The following EYS variants were observed in gnomAD, a reference collection of about 807,000 sequenced individuals.
EYS encodes the protein protein eyes shut homolog.
In EYS, 250 loss-of-function variants were observed where a neutral mutation model predicts 282.1. The observed-to-expected ratio is 0.89, with a 90% CI of 0.80 to 0.98. EYS has a LOEUF of 0.98. EYS is among the 50% of genes least tolerant of loss of function. The pLI is 0.00. For synonymous variants in EYS, 1,355 were observed against 1,282.9 expected (o/e 1.06, Z -1.20); for missense variants, 4,016 against 3,709.0 (o/e 1.08, Z -2.15).
At chr6:64,361,431 G>T (rs1772002261) in intron 29 of EYS, among the ~76,000 whole-genome samples, 1 of 151,720 alleles carries the variant, frequency 6.6e-6, no homozygotes, top group Admixed American at 6.6e-5. Context: ...GGCCAGGGAA[G>T]CATTCACAAT....
At chr6:64,496,871 A>G (rs1474592838) in intron 26 of EYS, among the ~76,000 whole-genome samples, 1 of 151,996 alleles carries the variant, frequency 6.6e-6, no homozygotes, top group African/African-American at 2.4e-5. Context: ...TGGATTCTCT[A>G]TTTTACAAAT....
chr6:64,201,178 T>G (rs955319970), intron 31 of EYS, among the ~76,000 whole-genome samples: 3 of 152,180 alleles, frequency 2.0e-5, no homozygotes, highest in African/African-American at 7.2e-5. Context: ...CAAGTAAGGA[T>G]AGGAAGTTAT....
chr6:65,021,011 G>A (rs1772238402), intron 13 of EYS, among the ~76,000 whole-genome samples: 1 of 152,116 alleles, frequency 6.6e-6, no homozygotes, highest in South Asian at 2.1e-4. Context: ...ACCCAGTCCA[G>A]CAAACCATTT....
chr6:64,769,774 A>G (rs943830651), intron 22 of EYS, among the ~76,000 whole-genome samples: 3 of 152,040 alleles, frequency 2.0e-5, no homozygotes, highest in African/African-American at 7.2e-5. Flanking sequence ...CCAGCTGAAC[A>G]TGAGAATAAG....
intron 16 of EYS, among the ~76,000 whole-genome samples, chr6:64,909,922 G>A (rs1338009844): frequency 6.6e-6 from 1 of 152,022 alleles, no homozygotes; most frequent in Non-Finnish European, 1.5e-5. Context: ...TTCTAATATA[G>A]TTTTCTAACA....
chr6:65,279,825 TA>T (rs2150274177), intron 12 of EYS, among the ~76,000 whole-genome samples: 1 of 152,282 alleles, frequency 6.6e-6, no homozygotes, highest in Non-Finnish European at 1.5e-5. Context: ...AAAGATTTTG[TA>T]AAAAGACAAC....
At chr6:65,187,539 T>G (rs1325027570) in intron 12 of EYS, among the ~76,000 whole-genome samples, 2 of 151,732 alleles carry the variant, frequency 1.3e-5, no homozygotes, top group Non-Finnish European at 3.0e-5. Context: ...AACTTTTTCA[T>G]GCAGTTTTCA....
intron 26 of EYS, among the ~76,000 whole-genome samples, chr6:64,478,691 T>C (rs532966328): frequency 6.6e-6 from 1 of 151,148 alleles, no homozygotes; most frequent in Admixed American, 6.6e-5. Context: ...TCTTATGAAG[T>C]AGGCAACATT....
In EYS at chr6:64,692,017, G is replaced by A. The variant is rs115225591; in HGVS notation, c.3444-65772C>T. Among the ~76,000 whole-genome samples, 279 of 152,196 alleles carry A rather than the reference G, an allele frequency of 1.8e-3. 2 individuals are homozygous for A. Among genetic ancestry groups the A allele is most frequent in the African/African-American group, 6.5e-3 (268 of 41,536 alleles). ...TTATTTTCTTGTGGATATATACCCA[G>A]TAATGAGATTGCTGGATTGTATGGT... is the stretch of plus-strand genomic sequence containing the variant. On this transcript the variant is annotated intron_variant, in intron 22 of 42. Coordinates refer to ENST00000503581, the MANE Select transcript of EYS (RefSeq NM_001142800.2).
chr6:64,063,033 T>A (rs1192459105), intron 33 of EYS, among the ~76,000 whole-genome samples: 3 of 152,196 alleles, frequency 2.0e-5, no homozygotes, highest in Non-Finnish European at 2.9e-5. Context: ...GACACTCTAC[T>A]CCTTTTTTGG....
chr6:65,186,654 A>G (rs1213030407), intron 12 of EYS, among the ~76,000 whole-genome samples: 1 of 151,854 alleles, frequency 6.6e-6, no homozygotes, highest in Non-Finnish European at 1.5e-5. Flanking sequence ...ATTCATAAAC[A>G]TAAATATCTA....
intron 1 of EYS, among the ~76,000 whole-genome samples, chr6:65,696,115 C>T (rs1261135342): frequency 6.6e-6 from 1 of 151,924 alleles, no homozygotes; most frequent in Non-Finnish European, 1.5e-5. Flanking sequence ...CCTCTGCCTG[C>T]AGTAGTGTAT....
intron 2 of EYS, among the ~76,000 whole-genome samples, chr6:65,602,966 T>A (rs889489195): frequency 6.6e-6 from 1 of 152,006 alleles, no homozygotes; most frequent in Non-Finnish European, 1.5e-5. Flanking sequence ...GTAGACTGAT[T>A]GTAAGCATTG....
chr6:64,629,402 A>G (rs1195320569), intron 22 of EYS, among the ~76,000 whole-genome samples: 1 of 152,078 alleles, frequency 6.6e-6, no homozygotes, highest in African/African-American at 2.4e-5. Flanking sequence ...CTTTATATAT[A>G]TTTTTAAAAT....
chr6:65,272,108 G>A (rs1767922422), intron 12 of EYS, among the ~76,000 whole-genome samples: 1 of 152,038 alleles, frequency 6.6e-6, no homozygotes, highest in Admixed American at 6.6e-5. Context: ...AGCAACATTA[G>A]GAAAAATCAG....
At chr6:64,167,714 TTAATGAAAAGA>T (rs1160256965) in intron 31 of EYS, among the ~76,000 whole-genome samples, 1 of 152,160 alleles carries the variant, frequency 6.6e-6, no homozygotes, top group Non-Finnish European at 1.5e-5. Flanking sequence ...AAAAATTATA[TTAATGAAAAGA>T]TAAGCAGTAG....
chr6:64,609,575 T>C (rs573672880), intron 24 of EYS, among the ~76,000 whole-genome samples: 1 of 149,748 alleles, frequency 6.7e-6, no homozygotes, highest in South Asian at 2.1e-4. Context: ...CTGTTTTTAT[T>C]TTAGAGAGTA....
chr6:63,930,458 G>A (rs965956606), intron 35 of EYS, among the ~76,000 whole-genome samples: 1 of 152,106 alleles, frequency 6.6e-6, no homozygotes, highest in Non-Finnish European at 1.5e-5. Flanking sequence ...TTAGTAGTGT[G>A]CTATGATTAC....
intron 42 of EYS, among the ~76,000 whole-genome samples, chr6:63,724,425 T>A (rs1768535409): frequency 6.6e-6 from 1 of 152,154 alleles, no homozygotes; most frequent in Non-Finnish European, 1.5e-5. Flanking sequence ...ATTTATATAT[T>A]TTTAATATAG....
Sources: gnomAD v4.1 joint callset for allele counts (sites outside exome capture counted in the v4.1 genomes callset) on GRCh38, gnomAD v4.1.1 for gene constraint, MANE v1.5 for transcripts, NCBI Gene and HGNC (gene_info 2026-07-23, HGNC 2026-07-21) for gene names.